The following B3GALNT2 variants were observed in gnomAD, a reference collection of about 807,000 sequenced individuals.
B3GALNT2 encodes beta-1,3-N-acetylgalactosaminyltransferase 2, also known as UDP-GalNAc:beta-1,3-N-acetylgalactosaminyltransferase 2.
A neutral mutation model predicts 61.1 loss-of-function variants in B3GALNT2; 53 were observed. The observed-to-expected ratio is 0.87, with a 90% confidence interval of 0.70 to 1.09. The LOEUF is 1.09. Ranked by LOEUF, B3GALNT2 falls within the 50% of genes least tolerant of loss-of-function variation. B3GALNT2 has a pLI of 0.00. For missense variants in B3GALNT2, 544 were observed against 623.0 expected, an observed-to-expected ratio of 0.87 and a Z score of 1.35; for synonymous variants, 223 against 237.4, an observed-to-expected ratio of 0.94 and a Z score of 0.56.
rs774985513 is a variant in B3GALNT2 at position 235,458,640 on chromosome 1, G to A, written c.988C>T (p.Arg330Cys). ...TTCAATAATTTTGCAGGAACATTAC[G>A]ATAAGTGTCGACAACATCCACAAAA... ...IVFVDVVDTYRNVPAKLLNFY... is the reference protein window; with the variant it reads ...IVFVDVVDTYCNVPAKLLNFY... The change falls in exon 8 of 12, where the codon CGT (arginine) becomes TGT (cysteine). Residue 330 changes from arginine to cysteine, a missense_variant. Transcript: ENST00000366600. The A allele has an allele frequency of 5.6e-6, 9 of 1,610,034 alleles. No homozygotes were observed. The highest frequency in any genetic ancestry group is 2.2e-5 in the South Asian group (2 of 89,866).
intron 7 of B3GALNT2, chr1:235,463,715 C>G (rs6696235): frequency 6.6e-6 from 1 of 151,524 alleles, no homozygotes. Context: ...TACAGGCGCC[C>G]GACACCATGC....
intron 4 of B3GALNT2, among the ~76,000 whole-genome samples, chr1:235,481,686 GTA>G (rs544549368): frequency 8.1e-4 from 123 of 152,012 alleles, no homozygotes; most frequent in African/African-American, 2.9e-3. Flanking sequence ...ATAAACAAGT[GTA>G]TCAAAAAAAT....
intron 2 of B3GALNT2, among the ~76,000 whole-genome samples, chr1:235,490,322 T>G (rs1392031710): frequency 6.6e-6 from 1 of 152,150 alleles, no homozygotes; most frequent in East Asian, 1.9e-4. Flanking sequence ...TCTCCACCTT[T>G]CAGGTTCAAG....
chr1:235,448,657 G>T lies in B3GALNT2; in HGVS notation c.*1549C>A, dbSNP rs202244855. 1 of 1,608,744 alleles carries T rather than the reference G, an allele frequency of 6.2e-7. No individual in the cohort carries two copies. Among genetic ancestry groups the T allele is most frequent in the Admixed American group, 1.7e-5 (1 of 59,992 alleles). The stretch of plus-strand genomic sequence containing the variant: ...CTTAATCACATCCTTCCCCACCTTC[G>T]TTCTAATTTTAGAAGCCGGGCAGAG... On this transcript the variant is annotated 3_prime_UTR_variant, in exon 12 of 12. Coordinates refer to ENST00000366600, the MANE Select transcript of B3GALNT2 (RefSeq NM_152490.5).
intron 1 of B3GALNT2, among the ~76,000 whole-genome samples, chr1:235,503,162 A>G (rs78020993): frequency 0.03 from 4,597 of 152,370 alleles, 104 homozygotes; most frequent in Middle Eastern, 0.075. Context: ...TCTAATTTTA[A>G]GAACTTTTGG....
At chr1:235,496,342 A>C in intron 1 of B3GALNT2, 1 of 997,608 alleles carries the variant, frequency 1.0e-6, no homozygotes, top group Non-Finnish European at 1.3e-6. Context: ...TTCCAAATGG[A>C]ATAGAGGTAT....
chr1:235,481,363 A>G (rs1684558172), intron 4 of B3GALNT2, among the ~76,000 whole-genome samples: 1 of 152,164 alleles, frequency 6.6e-6, no homozygotes. Flanking sequence ...GTTTTTTGAG[A>G]CAGTCTCACT....
intron 6 of B3GALNT2, among the ~76,000 whole-genome samples, chr1:235,470,238 G>A (rs1312652021): frequency 6.6e-6 from 1 of 152,116 alleles, no homozygotes; most frequent in Non-Finnish European, 1.5e-5. Context: ...TTCAAGGTGA[G>A]ATAGTAAATA....
chr1:235,491,431 CATGT>C (rs2102857475), intron 2 of B3GALNT2, among the ~76,000 whole-genome samples: 1 of 152,258 alleles, frequency 6.6e-6, no homozygotes, highest in African/African-American at 2.4e-5. Context: ...TTATAATAAA[CATGT>C]ATGTACATAT....
chr1:235,490,240 T>A (rs1027707229), intron 2 of B3GALNT2, among the ~76,000 whole-genome samples: 1 of 151,508 alleles, frequency 6.6e-6, no homozygotes, highest in African/African-American at 2.4e-5. Flanking sequence ...AGTTGTTTTC[T>A]TTTTTTTTGA....
chr1:235,445,719 T>G (rs1020930558), downstream of B3GALNT2, among the ~76,000 whole-genome samples: 1 of 151,732 alleles, frequency 6.6e-6, no homozygotes. Context: ...CTGGCTGGCA[T>G]GAAAAAGCAG....
At chr1:235,483,373 C>A (rs561056496) in intron 4 of B3GALNT2, among the ~76,000 whole-genome samples, 12 of 152,300 alleles carry the variant, frequency 7.9e-5, no homozygotes, top group Admixed American at 7.8e-4. Flanking sequence ...GAAAATCCCC[C>A]AAATTTGGTA....
rs1019545867 is a variant in B3GALNT2, at chr1:235,494,932, A to G, written c.113-104T>C. 1.2e-5 allele frequency: 14 copies of G among 1,149,304 alleles called. No individual in the cohort carries two copies. In the Admixed American group the frequency reaches 1.9e-4, roughly 16 times the overall value. The allele number at this position is 1,149,304 out of a possible 1,614,324, so 71.2% of individuals were successfully genotyped here. Reference sequence around the variant, plus strand: ...CAAAATAAGCTTATGTTTGTAGGAAATTCAGATAAACACAAAGAAAAGAAT... The same window carrying G: ...CAAAATAAGCTTATGTTTGTAGGAAGTTCAGATAAACACAAAGAAAAGAAT... On this transcript the variant is annotated intron_variant, in intron 1 of 11. Coordinates refer to ENST00000366600, the MANE Select transcript of B3GALNT2 (RefSeq NM_152490.5).
At chr1:235,456,754 C>T (rs1359821854) in intron 8 of B3GALNT2, among the ~76,000 whole-genome samples, 4 of 152,146 alleles carry the variant, frequency 2.6e-5, no homozygotes, top group Non-Finnish European at 5.9e-5. Flanking sequence ...TAAGATACTT[C>T]CACGCCTAGG....
chr1:235,493,160 A>T (rs989872110), intron 2 of B3GALNT2, among the ~76,000 whole-genome samples: 1 of 152,168 alleles, frequency 6.6e-6, no homozygotes, highest in Non-Finnish European at 1.5e-5. Context: ...TGGCAGTGGT[A>T]AAGGTGGTGA....
intron 6 of B3GALNT2, among the ~76,000 whole-genome samples, chr1:235,467,833 G>A (rs940399486): frequency 1.3e-5 from 2 of 151,356 alleles, no homozygotes; most frequent in Non-Finnish European, 2.9e-5. Context: ...AGGCTGGAGT[G>A]CAATGGCGTG....
Position 235,450,299 on chromosome 1 carries a change from C to T in B3GALNT2, c.1410G>A (p.Met470Ile), listed in dbSNP as rs780477848. 3 of 1,613,354 alleles carry T rather than the reference C, an allele frequency of 1.9e-6. No homozygotes were observed. The highest frequency in any genetic ancestry group is 2.2e-5 in the South Asian group (2 of 91,054). Reference sequence around the variant, plus strand: ...ACGGAGAATACTGAGGAGAAGACAGCATTCCTGTCTCACAGGTCTTCTCAC... The same window carrying T: ...ACGGAGAATACTGAGGAGAAGACAGTATTCCTGTCTCACAGGTCTTCTCAC... Reference protein sequence around the residue: ...WLCEKTCETGMLSSPQYSPWE... With the variant: ...WLCEKTCETGILSSPQYSPWE... Residue 470 changes from methionine to isoleucine, a missense_variant, in exon 12 of 12, where the codon ATG (methionine) becomes ATA (isoleucine). Coordinates refer to ENST00000366600, the MANE Select transcript of B3GALNT2 (RefSeq NM_152490.5).
At chr1:235,446,957 G>A (rs1473940692), downstream of B3GALNT2, among the ~76,000 whole-genome samples, 5 of 152,118 alleles carry the variant, frequency 3.3e-5, no homozygotes, top group Admixed American at 2.0e-4. Flanking sequence ...TTACAGGTGT[G>A]AGCAGGCCAG....
rs760816239 is a variant in B3GALNT2 at position 235,494,742 on chromosome 1, G to A, written c.199C>T (p.Arg67Ter). 6.8e-6 allele frequency: 11 copies of A among 1,612,612 alleles called. No homozygotes were observed. The highest frequency in any genetic ancestry group is 2.2e-5 in the East Asian group (1 of 44,860). The change falls in exon 2 of 12, where the codon CGA becomes TGA. Residue 67 changes from arginine to a stop codon, truncating the protein, a stop_gained. Coordinates refer to ENST00000366600, the MANE Select transcript of B3GALNT2 (RefSeq NM_152490.5). LOFTEE classifies it high-confidence loss of function. ...VLSARNNHEL[R>*]NVIRSTWMRH... Reference sequence around the variant, plus strand: ...ATCCAGGTGCTTCTTATCACGTTTCGAAGTTCATGGTTATTGCGAGCTGAC... The same window carrying A: ...ATCCAGGTGCTTCTTATCACGTTTCAAAGTTCATGGTTATTGCGAGCTGAC...
Sources: allele counts gnomAD v4.1 joint callset (sites outside exome capture counted in the v4.1 genomes callset), GRCh38; gene constraint gnomAD v4.1.1; transcripts MANE v1.5; gene names NCBI Gene and HGNC (gene_info 2026-07-23, HGNC 2026-07-21).